Variants in HLA-DRB5 observed in about 807,000 individuals in gnomAD.
HLA-DRB5 encodes the protein DR beta-5.
A neutral mutation model predicts 22.4 loss-of-function variants in HLA-DRB5; 11 were observed. The observed-to-expected ratio is 0.49, with a 90% CI of 0.31 to 0.81. The LOEUF is 0.81. HLA-DRB5 is among the 40% of genes least tolerant of loss of function. The probability of loss-of-function intolerance (pLI) is 0.05; values close to 1 mark genes in which losing one functional copy is unlikely to be tolerated. For synonymous variants in HLA-DRB5, 57 were observed against 106.0 expected (o/e 0.54, Z 2.84); for missense variants, 106 against 274.4 (o/e 0.39, Z 4.34).
rs151002802 is a variant in HLA-DRB5 at position 32,517,633 on chromosome 6, G to A, written c.*106C>T. 4.4e-6 allele frequency: 1 copy of A among 227,650 alleles called. No homozygotes were observed. The highest frequency in any genetic ancestry group is 3.7e-5 in the South Asian group (1 of 26,726). The allele number at this position is 227,650 out of a possible 1,614,324, so 14.1% of individuals were successfully genotyped here. On this transcript the variant is annotated 3_prime_UTR_variant, in exon 6 of 6. Transcript: ENST00000374975. Reference sequence around the variant, plus strand: ...AGTTGCTGAACCGGTAGCAACCAGGGCCTGAGAAAGTCCTCTCTTGTGGAA... The same window carrying A: ...AGTTGCTGAACCGGTAGCAACCAGGACCTGAGAAAGTCCTCTCTTGTGGAA...
At chr6:32,525,754 C>A (rs796171641) in intron 1 of HLA-DRB5, among the ~76,000 whole-genome samples, 14,372 of 117,250 alleles carry the variant, frequency 0.12, 1 homozygote, top group East Asian at 0.16. Context: ...ATTGAAATTG[C>A]ATACTGAAAT....
chr6:32,528,318 TCCA>T (rs1769873391), intron 1 of HLA-DRB5, among the ~76,000 whole-genome samples: 1 of 31,074 alleles, frequency 3.2e-5, no homozygotes, highest in Admixed American at 4.9e-4. Flanking sequence ...GTCTGTCTCC[TCCA>T]CTCTTGTGTA....
intron 1 of HLA-DRB5, among the ~76,000 whole-genome samples, chr6:32,522,515 G>A (rs185320691): frequency 7.3e-4 from 26 of 35,530 alleles, no homozygotes; most frequent in Admixed American, 1.1e-3. Context: ...GCACCCCAAA[G>A]ACAATCTCTG....
rs141968145 is a variant in HLA-DRB5 at position 32,520,100 on chromosome 6, C to T, written c.371-449G>A. ...TTGGGGTTATATGAGGATTAATGCACATAAAATATATAAAACAATGACTGA... is the reference window on the plus strand; with the variant it reads ...TTGGGGTTATATGAGGATTAATGCATATAAAATATATAAAACAATGACTGA... On this transcript the variant is annotated intron_variant, in intron 2 of 5. Coordinates refer to ENST00000374975, the MANE Select transcript of HLA-DRB5 (RefSeq NM_002125.4). Among the ~76,000 whole-genome samples, 237 of 31,850 alleles carry T rather than the reference C, an allele frequency of 7.4e-3. 5 individuals are homozygous for T. Among genetic ancestry groups the T allele is most frequent in the African/African-American group, 0.014 (113 of 8,110 alleles). The allele number at this position is 31,850 out of a possible 152,430, so 20.9% of individuals were successfully genotyped here.
chr6:32,518,927 T>A (rs955173836), intron 3 of HLA-DRB5, among the ~76,000 whole-genome samples: 236 of 56,132 alleles, frequency 4.2e-3, no homozygotes, highest in Middle Eastern at 0.01. Context: ...TGAGACTCAA[T>A]GAGGTTAAAT....
chr6:32,522,243 T>G, intron 1 of HLA-DRB5, 69 bp from the exon 2 acceptor site: 1 of 581,536 alleles, frequency 1.7e-6, no homozygotes, highest in Non-Finnish European at 2.5e-6. Context: ...GACGCCGCCA[T>G]CCGGGGCTCC....
chr6:32,529,883 G>T (rs1300046295), intron 1 of HLA-DRB5, among the ~76,000 whole-genome samples: 1,599 of 41,352 alleles, frequency 0.039, no homozygotes, highest in South Asian at 0.064. Context: ...TGATGAAAAG[G>T]TTTCATTGGT....
At chr6:32,525,675 T>C (rs535007802) in intron 1 of HLA-DRB5, among the ~76,000 whole-genome samples, 1,180 of 88,998 alleles carry the variant, frequency 0.013, no homozygotes, top group Admixed American at 0.018. Flanking sequence ...GGGTTTTACT[T>C]ATAACCTTTC....
intron 1 of HLA-DRB5, among the ~76,000 whole-genome samples, chr6:32,526,972 TTCACTA>T: frequency 3.8e-5 from 1 of 26,460 alleles, no homozygotes; most frequent in Non-Finnish European, 8.1e-5. Flanking sequence ...ACCACCACCT[TTCACTA>T]ATTTGTCAAA....
chr6:32,524,506 C>G (rs796466874), intron 1 of HLA-DRB5, among the ~76,000 whole-genome samples: 722 of 83,796 alleles, frequency 8.6e-3, no homozygotes, highest in East Asian at 0.027. Context: ...GTTTTGTAGT[C>G]AAGTCCCCTC....
At chr6:32,522,908 CGG>C (rs370142743) in intron 1 of HLA-DRB5, among the ~76,000 whole-genome samples, 1,823 of 27,590 alleles carry the variant, frequency 0.066, 523 homozygotes, top group Middle Eastern at 0.21. Context: ...TTGGGCAAAA[CGG>C]GGGAAGCACA....
At chr6:32,521,529 C>G (rs1375206727) in intron 2 of HLA-DRB5, among the ~76,000 whole-genome samples, 1 of 129,470 alleles carries the variant, frequency 7.7e-6, no homozygotes, top group Admixed American at 8.1e-5. Context: ...ACCCCAACCA[C>G]ACACACCTTA....
chr6:32,530,183 C>T lies in HLA-DRB5; in HGVS notation c.42G>A (p.Lys14=), dbSNP rs75457801. The T allele has an allele frequency of 7.8e-7, 1 of 1,280,774 alleles. No individual in the cohort carries two copies. Among genetic ancestry groups the T allele is most frequent in the Non-Finnish European group, 1.1e-6 (1 of 927,616 alleles). 79.3% of individuals were successfully genotyped at this position (1,280,774 alleles called of 1,614,324 possible). ...TCAGCACCATCAGTGTCACTGTCAG[C>T]TTTGCCATGTAGGAACCTCCAGGGA... The part of the protein sequence containing the change: ...LKLPGGSYMA[K]LTVTLMVLSS... Residue 14 remains lysine (K), a synonymous_variant, in exon 1 of 6, where the codon AAG becomes AAA. Transcript: ENST00000374975.
chr6:32,526,247 C>T (rs113410894), intron 1 of HLA-DRB5, among the ~76,000 whole-genome samples: 641 of 44,480 alleles, frequency 0.014, 9 homozygotes, highest in Non-Finnish European at 0.019. Flanking sequence ...CTCACTTCAC[C>T]CTCCTCTTAG....
At chr6:32,525,519 C>T (rs200307961) in intron 1 of HLA-DRB5, among the ~76,000 whole-genome samples, 10,562 of 89,646 alleles carry the variant, frequency 0.12, no homozygotes, top group East Asian at 0.17. Flanking sequence ...ATTCTGAAAA[C>T]AGAGGGCAGA....
chr6:32,520,356 C>T lies in HLA-DRB5; in HGVS notation c.371-705G>A, dbSNP rs1440270512. Among the ~76,000 whole-genome samples the T allele has an allele frequency of 5.7e-3, 437 of 77,134 alleles. 6 individuals carry two copies. The highest frequency in any genetic ancestry group is 0.018 in the East Asian group (58 of 3,192). The allele number at this position is 77,134 out of a possible 152,430, so 50.6% of individuals were successfully genotyped here. On this transcript the variant is annotated intron_variant, in intron 2 of 5. Coordinates refer to ENST00000374975, the MANE Select transcript of HLA-DRB5 (RefSeq NM_002125.4). Reference sequence around the variant, plus strand: ...GCCATGCACTCACACCTTAGAACAACACAGAAATGGTTGTGCCCCTGGGAA... The same window carrying T: ...GCCATGCACTCACACCTTAGAACAATACAGAAATGGTTGTGCCCCTGGGAA...
rs184492865 is a variant in HLA-DRB5 at position 32,528,021 on chromosome 6, G to C, written c.100+2104C>G. Among the ~76,000 whole-genome samples, 130 of 23,690 alleles carry C rather than the reference G, an allele frequency of 5.5e-3. 8 individuals are homozygous for C. Among genetic ancestry groups the C allele is most frequent in the Non-Finnish European group, 6.2e-3 (70 of 11,272 alleles). 15.5% of individuals were successfully genotyped at this position (23,690 alleles called of 152,430 possible). ...CTTCTGCCACTGCATTTCCTTGCTTGCTCACTTCAGTCCCTCTAGCCTTCT... is the reference window on the plus strand; with the variant it reads ...CTTCTGCCACTGCATTTCCTTGCTTCCTCACTTCAGTCCCTCTAGCCTTCT... On this transcript the variant is annotated intron_variant, in intron 1 of 5. Transcript: ENST00000374975.
intron 1 of HLA-DRB5, among the ~76,000 whole-genome samples, chr6:32,526,206 C>G (rs144977013): frequency 0.15 from 5,320 of 35,884 alleles, 36 homozygotes; most frequent in Middle Eastern, 0.25. Context: ...ATCAGCTCCA[C>G]CAATCCCAGC....
rs201948867 is a variant in HLA-DRB5, at chr6:32,522,159, T to C, written c.116A>G (p.Gln39Arg). 1 of 818,500 alleles carries C rather than the reference T, an allele frequency of 1.2e-6. No homozygotes were observed. Among genetic ancestry groups the C allele is most frequent in the South Asian group, 1.6e-5 (1 of 63,500 alleles). The allele number at this position is 818,500 out of a possible 1,614,324, so 50.7% of individuals were successfully genotyped here. A position where few individuals can be genotyped will look rare whatever the true frequency, so the allele number is the denominator to read the frequency against. Residue 39 changes from glutamine to arginine, a missense_variant, in exon 2 of 6, where the codon CAG becomes CGG. By Grantham distance (43) the Gln-to-Arg change is conservative (BLOSUM62 1). Coordinates refer to ENST00000374975, the MANE Select transcript of HLA-DRB5 (RefSeq NM_002125.4). ...GAAGAAATGACACTCATACTTATCC[T>C]GCTGCAAGAAACGTGCTGTGGGGAC... ...AGDTRPRFLQQDKYECHFFNG... is the reference protein window; with the variant it reads ...AGDTRPRFLQRDKYECHFFNG...
Sources: gnomAD v4.1 joint callset for allele counts (sites outside exome capture counted in the v4.1 genomes callset) on GRCh38, gnomAD v4.1.1 for gene constraint, MANE v1.5 for transcripts, NCBI Gene and HGNC (gene_info 2026-07-23, HGNC 2026-07-21) for gene names.